The following CEP72 variants were observed in gnomAD, a reference collection of about 807,000 sequenced individuals.
CEP72 encodes the protein centrosomal protein of 72 kDa.
A neutral mutation model predicts 65.7 loss-of-function variants in CEP72; 78 were observed. That is an observed-to-expected ratio of 1.19 (90% CI 0.99 to 1.43). The LOEUF (loss-of-function observed/expected upper bound fraction) is 1.43, where lower values mean the gene tolerates loss of function less well. Ranked by LOEUF, CEP72 falls within the 40% of genes most tolerant of loss-of-function variation. CEP72 has a pLI of 0.00. For synonymous variants in CEP72, 358 were observed against 351.7 expected, an observed-to-expected ratio of 1.02 and a Z score of -0.20; for missense variants, 914 against 832.9, an observed-to-expected ratio of 1.10 and a Z score of -1.20.
In CEP72 at chr5:647,896, G is replaced by C; in HGVS notation, c.1758G>C (p.Gln586His). The C allele has an allele frequency of 1.9e-6, 3 of 1,611,890 alleles. No individual in the cohort carries two copies. The highest frequency in any genetic ancestry group is 2.5e-6 in the Non-Finnish European group (3 of 1,179,690). ...ACGACAAGATCCAGGAGCTCACGCAGATGCTGCAGGAGAGCCACAGGTGCC... is the reference window on the plus strand; with the variant it reads ...ACGACAAGATCCAGGAGCTCACGCACATGCTGCAGGAGAGCCACAGGTGCC... ...EHYDKIQELT[Q>H]MLQESHSSLV... The change falls in exon 11 of 12, where the codon CAG becomes CAC. Residue 586 changes from glutamine (Q) to histidine (H), a missense_variant. Coordinates refer to ENST00000264935, the MANE Select transcript of CEP72 (RefSeq NM_018140.4).
Position 619,067 on chromosome 5 carries a change from A to AAAT in CEP72, c.160_161insAAT (p.Thr54delinsLysSer). On this transcript the variant is annotated protein_altering_variant, in exon 2 of 12. Transcript: ENST00000264935. ...CCTGGGACATTCTCTGATGAGTTTAACAGGTCTGAAATCTTTGGATCTCTC... is the reference window on the plus strand; with the variant it reads ...CCTGGGACATTCTCTGATGAGTTTAAAATCAGGTCTGAAATCTTTGGATCTCTC... 6.2e-7 allele frequency: 1 copy of AAAT among 1,613,832 alleles called. No individual in the cohort carries two copies. Among genetic ancestry groups the AAAT allele is most frequent in the South Asian group, 1.1e-5 (1 of 91,072 alleles).
chr5:656,584 G>A (rs1739385611), downstream of CEP72, among the ~76,000 whole-genome samples: 2 of 152,110 alleles, frequency 1.3e-5, no homozygotes, highest in Admixed American at 1.3e-4. Context: ...CTAATTATGT[G>A]TTGCCATTTC....
downstream of CEP72, among the ~76,000 whole-genome samples, chr5:668,382 G>C (rs1465869719): frequency 3.8e-5 from 4 of 104,320 alleles, 1 homozygote; most frequent in South Asian, 1.1e-3. Context: ...GTCCGCGTGG[G>C]CCTCGTCAGG....
chr5:612,498 C>G (rs1389215548), intron 1 of CEP72, 55 bp downstream of exon 1: 1 of 1,352,668 alleles, frequency 7.4e-7, no homozygotes, highest in African/African-American at 1.5e-5. Context: ...GGGTGGGTGC[C>G]GAGCTTCCCG....
chr5:621,696 C>G (rs1736405625), intron 3 of CEP72, among the ~76,000 whole-genome samples: 1 of 152,262 alleles, frequency 6.6e-6, no homozygotes. Flanking sequence ...GGGGCCGTGT[C>G]ACCTCATCAC....
At chr5:619,951 C>A in intron 2 of CEP72, 118 bp from the exon 3 acceptor site, 1 of 759,440 alleles carries the variant, frequency 1.3e-6, no homozygotes, top group South Asian at 1.8e-5. Flanking sequence ...CTGGTAATGA[C>A]ATGGAGTTAT....
intron 11 of CEP72, among the ~76,000 whole-genome samples, chr5:648,850 GTGAGGTGTGAC>G (rs1738657853): frequency 1.6e-4 from 5 of 30,366 alleles, no homozygotes; most frequent in African/African-American, 6.1e-4. Context: ...GGTGTGGACT[GTGAGGTGTGAC>G]TGTGAGGTGT....
At chr5:642,711 T>A in intron 9 of CEP72, 2 of 985,400 alleles carry the variant, frequency 2.0e-6, no homozygotes, top group Non-Finnish European at 2.4e-6. Context: ...GGGTGAGTGA[T>A]CCAGAAGAAT....
chr5:675,486 G>GTGCAGTGTGGCTGGGGT, the CEP72 span, among the ~76,000 whole-genome samples: 1 of 141,442 alleles, frequency 7.1e-6, no homozygotes, highest in African/African-American at 2.8e-5. Context: ...GTGGCCAGGG[G>GTGCAGTGTGGCTGGGGT]TACATTGTGG....
intron 9 of CEP72, chr5:642,644 C>T: frequency 1.0e-6 from 1 of 985,418 alleles, no homozygotes; most frequent in African/African-American, 1.7e-5. Context: ...TTGCCTAACC[C>T]CTGCAGTTTG....
At chr5:635,638 C>T (rs887527954) in intron 6 of CEP72, 54 bp downstream of exon 6, 1 of 1,356,630 alleles carries the variant, frequency 7.4e-7, no homozygotes. Flanking sequence ...AAACCACAGA[C>T]TGAGTAATTT....
chr5:647,921 C>T lies in CEP72; in HGVS notation c.1778+5C>T. Reference sequence around the variant, plus strand: ...GATGCTGCAGGAGAGCCACAGGTGCCTGCCCGTGAGACTTGGGTGGGCCCC... The same window carrying T: ...GATGCTGCAGGAGAGCCACAGGTGCTTGCCCGTGAGACTTGGGTGGGCCCC... On this transcript the variant is annotated splice_donor_5th_base_variant and intron_variant, in intron 11 of 11. Coordinates refer to ENST00000264935, the MANE Select transcript of CEP72 (RefSeq NM_018140.4). 6.2e-7 allele frequency: 1 copy of T among 1,606,418 alleles called. No homozygotes were observed. The highest frequency in any genetic ancestry group is 8.5e-7 in the Non-Finnish European group (1 of 1,175,980).
intron 9 of CEP72, 57 bp from the exon 10 acceptor site, chr5:644,242 T>C: frequency 6.3e-7 from 1 of 1,588,052 alleles, no homozygotes; most frequent in Non-Finnish European, 8.6e-7. Flanking sequence ...TTTTACTTTC[T>C]ATACGCATTT....
Position 612,421 on chromosome 5 carries a change from C to G in CEP72, c.60C>G (p.Gly20=). The G allele has an allele frequency of 6.8e-7, 1 of 1,472,012 alleles. No homozygotes were observed. The highest frequency in any genetic ancestry group is 1.3e-5 in the South Asian group (1 of 77,898). 91.2% of individuals were successfully genotyped at this position (1,472,012 alleles called of 1,614,324 possible). The stretch of plus-strand genomic sequence containing the variant: ...AGGAGGCGGTTCGGGCGAAGAGCGG[C>G]TTAGGGCCTCACCGCGACCTGGGTG... ...LSEEAVRAKS[G]LGPHRDLAEL... The change falls in exon 1 of 12, where the codon GGC becomes GGG. Residue 20 remains glycine (G), a synonymous_variant. Transcript: ENST00000264935.
chr5:647,783 T>G, intron 10 of CEP72, 22 bp from the exon 11 acceptor site: 1 of 1,541,574 alleles, frequency 6.5e-7, no homozygotes, highest in Non-Finnish European at 8.9e-7. Flanking sequence ...TAATGGTACT[T>G]TTTTTTTTCT....
rs746303657 is a variant in CEP72, at chr5:644,442, T to C, written c.1666+17T>C. The C allele has an allele frequency of 8.1e-6, 13 of 1,612,394 alleles. No homozygotes were observed. The South Asian group carries it at 1.4e-4, about 18-fold the overall frequency. On this transcript the variant is annotated intron_variant, in intron 10 of 11. Transcript: ENST00000264935. ...AGATCGCTGGTAAGTTGATCGTGTA[T>C]TTGGTCACTTTGTAAACTTTAGGTG... is the stretch of plus-strand genomic sequence containing the variant.
rs150376362 is a variant in CEP72 at position 637,558 on chromosome 5, G to A, written c.946G>A (p.Asp316Asn). Reference sequence around the variant, plus strand: ...GGACTCGGCCTCTTCTCAGAAGTTGGATTTGTCAGGAGAAATGGTGCCTGG... The same window carrying A: ...GGACTCGGCCTCTTCTCAGAAGTTGAATTTGTCAGGAGAAATGGTGCCTGG... ...TEDSASSQKL[D>N]LSGEMVPGPL... The change falls in exon 7 of 12, where the codon GAT (aspartate) becomes AAT (asparagine). Residue 316 changes from aspartate to asparagine, a missense_variant. Transcript: ENST00000264935. The A allele has an allele frequency of 3.1e-3, 5,011 of 1,614,048 alleles. 153 individuals carry two copies. In the Admixed American group the frequency reaches 0.063, roughly 20 times the overall value.
At chr5:652,140 G>A (rs909371694) in intron 11 of CEP72, among the ~76,000 whole-genome samples, 1 of 152,192 alleles carries the variant, frequency 6.6e-6, no homozygotes, top group Non-Finnish European at 1.5e-5. Context: ...GAACCTGGTG[G>A]GCCTGTCTGT....
intron 11 of CEP72, among the ~76,000 whole-genome samples, chr5:648,330 G>GGACTGTGAGGTGT (rs1229864585): frequency 2.3e-5 from 3 of 131,520 alleles, no homozygotes; most frequent in African/African-American, 9.1e-5. Flanking sequence ...TGTGAGGCAT[G>GGACTGTGAGGTGT]GACTGTGAGG....
Sources: gnomAD v4.1 joint callset for allele counts (sites outside exome capture counted in the v4.1 genomes callset) on GRCh38, gnomAD v4.1.1 for gene constraint, MANE v1.5 for transcripts, NCBI Gene and HGNC (gene_info 2026-07-23, HGNC 2026-07-21) for gene names.